GRM5: variants seen among roughly 807,000 people sequenced by gnomAD.
GRM5 encodes glutamate metabotropic receptor 5.
GRM5 carries 19 observed loss-of-function variants against 83.1 expected under a neutral mutation model. The ratio of observed to expected loss-of-function variants is 0.23; its 90% CI spans 0.16 to 0.34. GRM5 has a LOEUF of 0.34. GRM5 is among the 10% of genes least tolerant of loss of function. The pLI is 1.00. For missense variants in GRM5, 1,160 were observed against 1,588.3 expected (o/e 0.73, Z 4.58); for synonymous variants, 675 against 633.6 (o/e 1.07, Z -0.98).
chr11:88,621,617 C>T (rs953808812), intron 4 of GRM5, among the ~76,000 whole-genome samples: 20 of 152,096 alleles, frequency 1.3e-4, no homozygotes, highest in African/African-American at 4.6e-4. Flanking sequence ...AGTATATTTA[C>T]ATAATTAACA....
chr11:88,965,159 C>G (rs1299704969), intron 2 of GRM5, among the ~76,000 whole-genome samples: 1 of 152,140 alleles, frequency 6.6e-6, no homozygotes, highest in Admixed American at 6.6e-5. Context: ...TTGTTTTATT[C>G]AGTTCAGGCT....
At chr11:88,515,737 A>AT (rs1190583311) in intron 9 of GRM5, among the ~76,000 whole-genome samples, 1 of 152,186 alleles carries the variant, frequency 6.6e-6, no homozygotes, top group African/African-American at 2.4e-5. Flanking sequence ...ACAGGAAATG[A>AT]TTTTTACCAG....
Position 89,000,343 on chromosome 11 carries a change from T to C in GRM5, c.661+46869A>G, listed in dbSNP as rs530551627. On this transcript the variant is annotated intron_variant, in intron 2 of 9. Transcript: ENST00000305447. ...ATTATATAATTACAATAGTCCACAA[T>C]ATGTTATACTGGCAGAGGAACAGAC... Among the ~76,000 whole-genome samples, 6 of 152,230 alleles carry C rather than the reference T, an allele frequency of 3.9e-5. No individual in the cohort carries two copies. In the South Asian group the frequency reaches 1.0e-3, roughly 26 times the overall value.
intron 5 of GRM5, among the ~76,000 whole-genome samples, chr11:88,598,987 G>A (rs988926889): frequency 7.9e-5 from 12 of 152,156 alleles, no homozygotes; most frequent in African/African-American, 2.9e-4. Flanking sequence ...ATCAGAGCTA[G>A]GACCTAAACC....
intron 7 of GRM5, 104 bp from the exon 8 acceptor site, chr11:88,568,096 C>A (rs572076984): frequency 3.8e-4 from 253 of 663,276 alleles, no homozygotes; most frequent in Middle Eastern, 1.3e-3. Flanking sequence ...AGTTTGTTCC[C>A]CATCTACCTT....
chr11:88,516,435 C>A (rs2135088832), intron 9 of GRM5, among the ~76,000 whole-genome samples: 1 of 152,110 alleles, frequency 6.6e-6, no homozygotes, highest in East Asian at 1.9e-4. Context: ...CATAAAATAA[C>A]CTGATAAATT....
At chr11:88,619,505 T>A (rs369026233) in intron 4 of GRM5, among the ~76,000 whole-genome samples, 6 of 152,164 alleles carry the variant, frequency 3.9e-5, no homozygotes, top group African/African-American at 1.4e-4. Flanking sequence ...TAAACTAATT[T>A]TAAAGATAAG....
chr11:88,844,534 T>C (rs1346538757), intron 3 of GRM5, among the ~76,000 whole-genome samples: 2 of 152,090 alleles, frequency 1.3e-5, no homozygotes, highest in Non-Finnish European at 2.9e-5. Flanking sequence ...CTTCAGCCTA[T>C]GAATCAACAA....
At chr11:89,004,644 C>T (rs147142574) in intron 2 of GRM5, among the ~76,000 whole-genome samples, 5 of 151,968 alleles carry the variant, frequency 3.3e-5, no homozygotes, top group East Asian at 1.9e-4. Flanking sequence ...TAAATAGTTC[C>T]GAATTTAGGC....
At chr11:88,940,468 TAC>T (rs1366379956) in intron 2 of GRM5, among the ~76,000 whole-genome samples, 2 of 151,250 alleles carry the variant, frequency 1.3e-5, no homozygotes, top group Non-Finnish European at 3.0e-5. Flanking sequence ...GCTCCCATTA[TAC>T]AGTTTTATCT....
At position 88,802,721 on chromosome 11, in the gene GRM5, A is replaced by G. The variant is rs549859850; in HGVS notation, c.911+47185T>C. Reference sequence around the variant, plus strand: ...AGGAGAAGGAAATAAAGGGTATTCAATTAGGAAAAGAGGAAGTCAAATTGT... The same window carrying G: ...AGGAGAAGGAAATAAAGGGTATTCAGTTAGGAAAAGAGGAAGTCAAATTGT... On this transcript the variant is annotated intron_variant, in intron 3 of 9. Transcript: ENST00000305447. 9.8e-3 allele frequency among the ~76,000 whole-genome samples: 1,487 copies of G among 151,186 alleles called. 23 individuals are homozygous for G. The highest frequency in any genetic ancestry group is 0.035 in the African/African-American group (1,417 of 40,856).
At chr11:88,771,017 A>G (rs1942726296) in intron 3 of GRM5, among the ~76,000 whole-genome samples, 1 of 152,120 alleles carries the variant, frequency 6.6e-6, no homozygotes, top group Non-Finnish European at 1.5e-5. Flanking sequence ...TACATGGCAA[A>G]CCATGTGCTT....
At chr11:89,024,955 C>T (rs1416142754) in intron 2 of GRM5, among the ~76,000 whole-genome samples, 2 of 152,142 alleles carry the variant, frequency 1.3e-5, no homozygotes, top group Non-Finnish European at 2.9e-5. Context: ...AATTTTTCCA[C>T]TAAAAAAGAT....
chr11:88,751,890 A>C (rs1942280591), intron 3 of GRM5, among the ~76,000 whole-genome samples: 1 of 152,200 alleles, frequency 6.6e-6, no homozygotes, highest in Non-Finnish European at 1.5e-5. Context: ...GGCCTGTGAT[A>C]AAATCCAACA....
chr11:88,596,041 A>G (rs892158824), intron 6 of GRM5, among the ~76,000 whole-genome samples: 3 of 151,994 alleles, frequency 2.0e-5, no homozygotes, highest in Non-Finnish European at 2.9e-5. Flanking sequence ...CTGGATGGCT[A>G]TTTTAAAACC....
intron 3 of GRM5, among the ~76,000 whole-genome samples, chr11:88,743,716 G>A (rs1318096781): frequency 1.3e-5 from 2 of 152,096 alleles, no homozygotes; most frequent in Non-Finnish European, 2.9e-5. Flanking sequence ...CTGGCTGGAG[G>A]AGATTTGAGG....
Position 88,936,879 on chromosome 11 carries a change from CAT to C in GRM5, c.662-86726_662-86725del, listed in dbSNP as rs1020653419. On this transcript the variant is annotated intron_variant, in intron 2 of 9. Transcript: ENST00000305447. ...CATTGAGAAAGGAGCAAAGCCTGGA[CAT>C]AGTTTATGAAATAGTAATCACTTTG... 3.0e-4 allele frequency among the ~76,000 whole-genome samples: 45 copies of C among 151,756 alleles called. 1 individual carries two copies. The highest frequency in any genetic ancestry group is 3.4e-3 in the Middle Eastern group (1 of 294).
chr11:88,714,243 G>A (rs1488476778), intron 3 of GRM5, among the ~76,000 whole-genome samples: 1 of 152,014 alleles, frequency 6.6e-6, no homozygotes, highest in African/African-American at 2.4e-5. Context: ...AAAGGATACA[G>A]GCCATGTACT....
intron 3 of GRM5, among the ~76,000 whole-genome samples, chr11:88,707,302 G>A (rs1368540340): frequency 6.6e-6 from 1 of 152,080 alleles, no homozygotes; most frequent in African/African-American, 2.4e-5. Flanking sequence ...CTGGGATTTG[G>A]TAGGTTCTAT....
Sources: allele counts gnomAD v4.1 joint callset (sites outside exome capture counted in the v4.1 genomes callset), GRCh38; gene constraint gnomAD v4.1.1; transcripts MANE v1.5; gene names NCBI Gene and HGNC (gene_info 2026-07-23, HGNC 2026-07-21).